Variants in GNL3L observed in about 807,000 individuals in gnomAD.
The protein encoded by GNL3L is G protein nucleolar 3 like.
A neutral mutation model predicts 42.9 loss-of-function variants in GNL3L; 4 were observed. The observed-to-expected ratio is 0.09, with a 90% CI of 0.05 to 0.21. The LOEUF (loss-of-function observed/expected upper bound fraction) is 0.21, where lower values mean the gene tolerates loss of function less well. Among genes scored for constraint, GNL3L ranks in the 10% least tolerant of loss-of-function variants. The pLI is 1.00. For synonymous variants in GNL3L, 159 were observed against 176.3 expected, an observed-to-expected ratio of 0.90 and a Z score of 0.78; for missense variants, 412 against 481.7, an observed-to-expected ratio of 0.86 and a Z score of 1.36.
At chrX:54,572,502 T>G (rs1237141056) in intron 16 of GNL3L, among the ~76,000 whole-genome samples, 1 of 112,231 alleles carries the variant, frequency 8.9e-6, no homozygotes, top group African/African-American at 3.2e-5. Context: ...TCCTGGCCCG[T>G]TCTCAATGAG....
chrX:54,571,614 C>T (rs930783940), downstream of GNL3L, among the ~76,000 whole-genome samples: 4 of 107,617 alleles, frequency 3.7e-5, no homozygotes, highest in Non-Finnish European at 7.6e-5. Context: ...AGATTATAGG[C>T]GTGCACTGCT....
chrX:54,623,818 G>C (rs1926320146), downstream of GNL3L, among the ~76,000 whole-genome samples: 1 of 110,778 alleles, frequency 9.0e-6, no homozygotes, highest in Non-Finnish European at 1.9e-5. Context: ...GTTCATTGCA[G>C]GTATATAGAA....
the GNL3L span, among the ~76,000 whole-genome samples, chrX:54,630,695 TTC>T: frequency 0.047 from 56 of 1,183 alleles, no homozygotes; most frequent in Admixed American, 0.083. Context: ...CCTTCCTTCC[TTC>T]CTTTCTTTCT....
At position 54,563,170 on chromosome X, in the gene GNL3L, G is replaced by A. The variant is rs2147500367; in HGVS notation, c.*2568G>A. Among the ~76,000 whole-genome samples the A allele has an allele frequency of 1.8e-5, 2 of 111,597 alleles. 1 individual carries two copies. Among genetic ancestry groups the A allele is most frequent in the South Asian group, 7.5e-4 (2 of 2,669 alleles). On this transcript the variant is annotated 3_prime_UTR_variant, in exon 16 of 16. Coordinates refer to ENST00000360845, the MANE Select transcript of GNL3L (RefSeq NM_001184819.2). The stretch of plus-strand genomic sequence containing the variant: ...AAAAATTGCATACCAGGACAGCTAA[G>A]TCTATTTTGCAACCATACAGCGTTT...
the GNL3L span, among the ~76,000 whole-genome samples, chrX:54,644,495 A>G: frequency 1.8e-5 from 2 of 112,019 alleles, no homozygotes; most frequent in African/African-American, 6.5e-5. Flanking sequence ...TGCTAAGTCT[A>G]CTGTCTCTGT....
chrX:54,585,546 T>G (rs1925772454), intron 16 of GNL3L, among the ~76,000 whole-genome samples: 1 of 111,995 alleles, frequency 8.9e-6, no homozygotes, highest in Non-Finnish European at 1.9e-5. Context: ...TGGCATGTAA[T>G]TGTTCATAAT....
At position 54,552,376 on chromosome X, in the gene GNL3L, C is replaced by T. The variant is rs769173297; in HGVS notation, c.1266C>T (p.Thr422=). 1.7e-6 allele frequency: 2 copies of T among 1,207,049 alleles called. No homozygotes were observed. Among genetic ancestry groups the T allele is most frequent in the Admixed American group, 2.2e-5 (1 of 45,636 alleles). ...GTGCTGAGATCGTTAAGGAAATGAC[C>T]GAGGTCTTTGACATCGAGGATACTG... is the stretch of plus-strand genomic sequence containing the variant. ...HLSAEIVKEM[T]EVFDIEDTEQ... The change falls in exon 13 of 16, where the codon ACC becomes ACT. Residue 422 remains threonine (T), a synonymous_variant. Transcript: ENST00000360845.
chrX:54,645,504 C>G, the GNL3L span, among the ~76,000 whole-genome samples: 1 of 111,758 alleles, frequency 8.9e-6, no homozygotes, highest in East Asian at 2.8e-4. Context: ...TGTGTATTTC[C>G]TAATATTGAA....
chrX:54,600,830 C>T (rs1925997369), intron 16 of GNL3L, among the ~76,000 whole-genome samples: 1 of 111,150 alleles, frequency 9.0e-6, no homozygotes, highest in Non-Finnish European at 1.9e-5. Context: ...TACCATAAGT[C>T]CCAGCAACAC....
At chrX:54,596,665 G>GCATTGTTGCC (rs1925934771) in intron 16 of GNL3L, among the ~76,000 whole-genome samples, 1 of 112,168 alleles carries the variant, frequency 8.9e-6, no homozygotes, top group Admixed American at 9.4e-5. Flanking sequence ...CAGGCTCTGG[G>GCATTGTTGCC]CAGGTCCATT....
Position 54,543,007 on chromosome X carries a change from C to T in GNL3L, c.359C>T (p.Thr120Met), listed in dbSNP as rs755842270. ...NMFPQLDDEA[T>M]RKAYYKEFRK... is the part of the protein sequence containing the mutation. ...TTTCCTCAGCTGGATGACGAGGCCACGAGGAAGGCTTATTACAAGGAGTTC... is the reference window on the plus strand; with the variant it reads ...TTTCCTCAGCTGGATGACGAGGCCATGAGGAAGGCTTATTACAAGGAGTTC... The change falls in exon 6 of 16, where the codon ACG (threonine) becomes ATG (methionine). Residue 120 changes from threonine (T) to methionine (M), a missense_variant. Physicochemically the swap from Thr to Met is moderately conservative, Grantham distance 81 (BLOSUM62 -1). Transcript: ENST00000360845. 6.7e-6 allele frequency: 8 copies of T among 1,187,811 alleles called. No homozygotes were observed. The African/African-American group carries it at 7.1e-5, about 11-fold the overall frequency.
chrX:54,631,070 G>T, the GNL3L span, among the ~76,000 whole-genome samples: 1 of 110,292 alleles, frequency 9.1e-6, no homozygotes, highest in Non-Finnish European at 1.9e-5. Flanking sequence ...GCCTTCTAAA[G>T]TGCTGGGATT....
the GNL3L span, among the ~76,000 whole-genome samples, chrX:54,633,889 C>T: frequency 8.8e-6 from 1 of 113,062 alleles, no homozygotes; most frequent in African/African-American, 3.2e-5. Flanking sequence ...TTCCTGCCTT[C>T]TGCAGCTGGA....
At chrX:54,584,049 A>T (rs1040064888) in intron 16 of GNL3L, among the ~76,000 whole-genome samples, 18 of 110,063 alleles carry the variant, frequency 1.6e-4, no homozygotes, top group Non-Finnish European at 2.8e-4. Context: ...CTAGTATCAT[A>T]CTACAGTATT....
At position 54,564,402 on chromosome X, in the gene GNL3L, C is replaced by CTTT. The variant is rs567172499; in HGVS notation, c.*3818_*3820dup. Among the ~76,000 whole-genome samples, 7,174 of 80,687 alleles carry CTTT rather than the reference C, an allele frequency of 0.089. 705 individuals are homozygous for CTTT. Among genetic ancestry groups the CTTT allele is most frequent in the African/African-American group, 0.24 (4,711 of 20,018 alleles). The allele number at this position is 80,687 out of a possible 115,157, so 70.1% of individuals were successfully genotyped here. A position where few individuals can be genotyped will look rare whatever the true frequency, so the allele number is the denominator to read the frequency against. ...AGTCACTGGTTTTTTTCTTCGTTCTCTTTTTTTTTTTTTTTTTTTTGAGAC... is the reference window on the plus strand; with the variant it reads ...AGTCACTGGTTTTTTTCTTCGTTCTCTTTTTTTTTTTTTTTTTTTTTTTGAGAC... On this transcript the variant is annotated 3_prime_UTR_variant, in exon 16 of 16. Coordinates refer to ENST00000360845, the MANE Select transcript of GNL3L (RefSeq NM_001184819.2).
rs1211911989 is a variant in GNL3L, at chrX:54,607,078, CTTTCTTCTTTCT to C, written c.*46-13764_*46-13753del. ...TTTCTTTCTTTCTTTCTTTCTCTTT[CTTTCTTCTTTCT>C]TTCTTTCTTTCTTTCTTTCTTTCTT... On this transcript the variant is annotated intron_variant, in intron 16 of 16. Coordinates refer to the GNL3L transcript ENST00000674498. 2.8e-3 allele frequency among the ~76,000 whole-genome samples: 76 copies of C among 27,295 alleles called. 2 individuals carry two copies. Among genetic ancestry groups the C allele is most frequent in the African/African-American group, 0.013 (56 of 4,368 alleles). The allele number at this position is 27,295 out of a possible 115,157, so 23.7% of individuals were successfully genotyped here.
chrX:54,555,138 A>C (rs1925051545), intron 14 of GNL3L, among the ~76,000 whole-genome samples: 1 of 108,035 alleles, frequency 9.3e-6, no homozygotes, highest in Non-Finnish European at 1.9e-5. Flanking sequence ...TCAGCCTCCC[A>C]GTTAGCTGGA....
At chrX:54,568,930 C>G (rs1168832143), downstream of GNL3L, among the ~76,000 whole-genome samples, 1 of 112,431 alleles carries the variant, frequency 8.9e-6, no homozygotes, top group Non-Finnish European at 1.9e-5. Context: ...CTTCCTGCCT[C>G]TCACTTAAAA....
At chrX:54,546,512 C>T (rs1391105768) in intron 8 of GNL3L, among the ~76,000 whole-genome samples, 2 of 112,210 alleles carry the variant, frequency 1.8e-5, no homozygotes, top group Non-Finnish European at 3.8e-5. Context: ...CCAATTTATA[C>T]TCCCACCAGT....
Sources: gnomAD v4.1 joint callset for allele counts (sites outside exome capture counted in the v4.1 genomes callset) on GRCh38, gnomAD v4.1.1 for gene constraint, MANE v1.5 for transcripts, NCBI Gene and HGNC (gene_info 2026-07-23, HGNC 2026-07-21) for gene names.